Variants in HELZ observed in about 807,000 individuals in gnomAD.
HELZ encodes the protein ATP-dependent RNA helicase with zinc finger domain.
In HELZ, 23 loss-of-function variants were observed where a neutral mutation model predicts 218.2. The observed-to-expected ratio is 0.11, with a 90% CI of 0.08 to 0.15. HELZ has a LOEUF of 0.15. Among genes scored for constraint, HELZ ranks in the 10% least tolerant of loss-of-function variants. HELZ has a pLI of 1.00. For missense variants in HELZ, 1,813 were observed against 2,353.7 expected, an observed-to-expected ratio of 0.77 and a Z score of 4.75; for synonymous variants, 814 against 829.4, an observed-to-expected ratio of 0.98 and a Z score of 0.32.
At position 67,072,533 on chromosome 17, in the gene HELZ, C is replaced by G. The variant is rs2143467687; in HGVS notation, c.*5719G>C. ...CATGTGGATCAAGATTGACCCTAAG[C>G]ACACCAAACAAATGCACAGCTTCCA... On this transcript the variant is annotated 3_prime_UTR_variant, in exon 33 of 33. Transcript: ENST00000358691. 1 of 152,702 alleles carries G rather than the reference C, an allele frequency of 6.5e-6. No individual in the cohort carries two copies. The highest frequency in any genetic ancestry group is 3.4e-3 in the Middle Eastern group (1 of 292). The allele number at this position is 152,702 out of a possible 1,614,324, so 9.5% of individuals were successfully genotyped here.
chr17:67,200,333 T>C (rs1701356036), intron 7 of HELZ, among the ~76,000 whole-genome samples: 1 of 152,212 alleles, frequency 6.6e-6, no homozygotes, highest in South Asian at 2.1e-4. Flanking sequence ...AGTCCTTCAC[T>C]GGAGTACTTT....
chr17:67,158,493 T>C (rs2038905885), intron 17 of HELZ, among the ~76,000 whole-genome samples: 1 of 152,184 alleles, frequency 6.6e-6, no homozygotes, highest in Non-Finnish European at 1.5e-5. Flanking sequence ...TCTTAAGAAA[T>C]ACATTTGCAA....
chr17:67,101,267 TAGAGGTGGGACAG>T lies in HELZ; in HGVS notation c.5241+5889_5241+5901del, dbSNP rs1336291251. ...CAAATAAAAAGCCAAGAAGGGTGTG[TAGAGGTGGGACAG>T]AGGAGGAGGAAAGAGTTCATAAAGT... is the stretch of plus-strand genomic sequence containing the variant. On this transcript the variant is annotated intron_variant, in intron 31 of 32. Transcript: ENST00000358691. Among the ~76,000 whole-genome samples, 6 of 152,252 alleles carry T rather than the reference TAGAGGTGGGACAG, an allele frequency of 3.9e-5. No individual in the cohort carries two copies. The East Asian group carries it at 7.7e-4, about 20-fold the overall frequency.
intron 23 of HELZ, among the ~76,000 whole-genome samples, chr17:67,131,849 A>G (rs116477581): frequency 0.011 from 1,602 of 152,096 alleles, 31 homozygotes; most frequent in African/African-American, 0.036. Context: ...TTCTCTTTAC[A>G]CTGGCCCTTG....
chr17:67,106,295 G>A (rs2037097018), intron 31 of HELZ, among the ~76,000 whole-genome samples: 1 of 151,382 alleles, frequency 6.6e-6, no homozygotes, highest in Non-Finnish European at 1.5e-5. Context: ...AAATATCTAA[G>A]TATTTTACTT....
intron 21 of HELZ, among the ~76,000 whole-genome samples, chr17:67,144,433 C>T (rs901197553): frequency 6.7e-6 from 1 of 149,914 alleles, no homozygotes; most frequent in South Asian, 2.1e-4. Context: ...TTAAAGGTCA[C>T]ACGACCTTTA....
chr17:67,092,766 G>A (rs2036609251), intron 31 of HELZ, among the ~76,000 whole-genome samples: 1 of 152,168 alleles, frequency 6.6e-6, no homozygotes, highest in Non-Finnish European at 1.5e-5. Flanking sequence ...AGGAGTTTGA[G>A]ACCGGCTGGC....
chr17:67,153,122 T>G (rs1411607820), intron 17 of HELZ, among the ~76,000 whole-genome samples: 2 of 152,158 alleles, frequency 1.3e-5, no homozygotes, highest in African/African-American at 4.8e-5. Context: ...GGAGTATATA[T>G]AGACAACTGT....
intron 17 of HELZ, among the ~76,000 whole-genome samples, chr17:67,155,158 T>C (rs1003853490): frequency 6.6e-6 from 1 of 152,028 alleles, no homozygotes; most frequent in African/African-American, 2.4e-5. Flanking sequence ...ATGTGCACCA[T>C]CAAAACAAGG....
Position 67,178,878 on chromosome 17 carries a change from T to C in HELZ, c.1211A>G (p.Lys404Arg), listed in dbSNP as rs763183693. 6.2e-7 allele frequency: 1 copy of C among 1,612,270 alleles called. No individual in the cohort carries two copies. The highest frequency in any genetic ancestry group is 8.5e-7 in the Non-Finnish European group (1 of 1,178,492). The change falls in exon 13 of 33, where the codon AAA (lysine) becomes AGA (arginine). Residue 404 changes from lysine to arginine, a missense_variant. Physicochemically the swap from Lys to Arg is conservative, Grantham distance 26 (BLOSUM62 2). Coordinates refer to ENST00000358691, the MANE Select transcript of HELZ (RefSeq NM_014877.4). Reference protein sequence around the residue: ...HAKQQLVTTAKRWDSSSKTII... With the variant: ...HAKQQLVTTARRWDSSSKTII... The stretch of plus-strand genomic sequence containing the variant: ...AGTCTTAGAGGAAGAATCCCAACGT[T>C]TAGCTGTGGTTACTAGCTGCTGTTT...
intron 15 of HELZ, among the ~76,000 whole-genome samples, chr17:67,162,091 T>C (rs1269316921): frequency 1.3e-5 from 2 of 152,194 alleles, no homozygotes; most frequent in African/African-American, 4.8e-5. Flanking sequence ...GTGGTTATTT[T>C]TGAAAAATCT....
chr17:67,100,396 A>C (rs1054611151), intron 31 of HELZ, among the ~76,000 whole-genome samples: 1 of 152,234 alleles, frequency 6.6e-6, no homozygotes, highest in Non-Finnish European at 1.5e-5. Context: ...AGCTGATCAA[A>C]GTAAGTGACT....
intron 31 of HELZ, among the ~76,000 whole-genome samples, chr17:67,100,859 G>A (rs571346451): frequency 1.3e-5 from 2 of 152,230 alleles, no homozygotes; most frequent in African/African-American, 4.8e-5. Flanking sequence ...CCAGCACTTT[G>A]GGAGGCTGAG....
intron 3 of HELZ, among the ~76,000 whole-genome samples, chr17:67,220,705 G>A (rs2040720151): frequency 6.6e-6 from 1 of 151,846 alleles, no homozygotes; most frequent in Non-Finnish European, 1.5e-5. Context: ...TGCCCAGCCT[G>A]GTATCAAAAC....
intron 12 of HELZ, among the ~76,000 whole-genome samples, chr17:67,182,675 TA>T (rs1478387537): frequency 6.6e-6 from 1 of 152,206 alleles, no homozygotes; most frequent in Non-Finnish European, 1.5e-5. Flanking sequence ...AGAATACACC[TA>T]ATCTTTTGAA....
rs942332794 is a variant in HELZ at position 67,178,545 on chromosome 17, T to C, written c.1430+114A>G. On this transcript the variant is annotated intron_variant, in intron 13 of 32. Coordinates refer to ENST00000358691, the MANE Select transcript of HELZ (RefSeq NM_014877.4). ...TCCTTTAAAGATAGAATACAGTTAT[T>C]CAATAACAACCATTTACTACCTGTC... 4.8e-6 allele frequency: 4 copies of C among 826,088 alleles called. No homozygotes were observed. In the Admixed American group the frequency reaches 1.1e-4, roughly 24 times the overall value. The allele number at this position is 826,088 out of a possible 1,614,324, so 51.2% of individuals were successfully genotyped here.
chr17:67,233,216 G>C (rs2041084641), intron 3 of HELZ, among the ~76,000 whole-genome samples: 1 of 152,188 alleles, frequency 6.6e-6, no homozygotes, highest in Non-Finnish European at 1.5e-5. Flanking sequence ...AGCCGGGTGT[G>C]ATGGCATGCC....
At chr17:67,130,192 G>A (rs1190382978) in intron 23 of HELZ, among the ~76,000 whole-genome samples, 1 of 152,198 alleles carries the variant, frequency 6.6e-6, no homozygotes, top group East Asian at 1.9e-4. Context: ...AGCGGGGTGG[G>A]AGAGGGGTAA....
At chr17:67,232,454 G>T (rs2041064537) in intron 3 of HELZ, among the ~76,000 whole-genome samples, 1 of 152,152 alleles carries the variant, frequency 6.6e-6, no homozygotes, top group Non-Finnish European at 1.5e-5. Context: ...GTCTGGCATT[G>T]TATTTTAAAA....
Sources: allele counts gnomAD v4.1 joint callset (sites outside exome capture counted in the v4.1 genomes callset), GRCh38; gene constraint gnomAD v4.1.1; transcripts MANE v1.5; gene names NCBI Gene and HGNC (gene_info 2026-07-23, HGNC 2026-07-21).